UGT2B7: variants seen among roughly 807,000 people sequenced by gnomAD.
UGT2B7 encodes the protein UDP-glucuronosyltransferase 2B7.
A neutral mutation model predicts 51.9 loss-of-function variants in UGT2B7; 51 were observed. That is an observed-to-expected ratio of 0.98 (90% CI 0.78 to 1.24). The LOEUF is 1.24. Among genes scored for constraint, UGT2B7 ranks in the 50% most tolerant of loss-of-function variants. UGT2B7 has a pLI of 0.00. For missense variants in UGT2B7, 727 were observed against 628.4 expected (o/e 1.16, Z -1.68); for synonymous variants, 225 against 211.6 (o/e 1.06, Z -0.55).
chr4:69,062,765 C>T (rs1718377298), intron 1 of UGT2B7, among the ~76,000 whole-genome samples: 1 of 152,198 alleles, frequency 6.6e-6, no homozygotes, highest in Non-Finnish European at 1.5e-5. Flanking sequence ...GCTCTAGTCA[C>T]ACCAAGAACT....
chr4:69,055,487 T>A (rs953074432), intron 1 of UGT2B7, among the ~76,000 whole-genome samples: 6 of 151,980 alleles, frequency 3.9e-5, no homozygotes, highest in African/African-American at 1.2e-4. Context: ...AAAGACTAGA[T>A]CCTAGTGTAA....
chr4:69,100,819 C>A (rs1018483667), intron 2 of UGT2B7, among the ~76,000 whole-genome samples: 7 of 152,148 alleles, frequency 4.6e-5, no homozygotes, highest in Non-Finnish European at 7.4e-5. Flanking sequence ...ATTGCTAACC[C>A]AGGTTGCTTT....
upstream of UGT2B7, among the ~76,000 whole-genome samples, chr4:69,094,557 G>T (rs982005250): frequency 2.6e-5 from 4 of 152,116 alleles, no homozygotes; most frequent in Non-Finnish European, 2.9e-5. Context: ...ACACTTAATT[G>T]CTAAAAAGTG....
At chr4:69,072,046 A>G (rs1560501735) in intron 1 of UGT2B7, among the ~76,000 whole-genome samples, 2 of 152,122 alleles carry the variant, frequency 1.3e-5, no homozygotes, top group Admixed American at 1.3e-4. Context: ...GAGCTATCAA[A>G]GAATACTTTC....
At chr4:69,078,656 G>A (rs545343762) in intron 1 of UGT2B7, among the ~76,000 whole-genome samples, 27 of 152,074 alleles carry the variant, frequency 1.8e-4, no homozygotes, top group Non-Finnish European at 3.8e-4. Flanking sequence ...CCTCAGGTAG[G>A]AGCCATAGTT....
At chr4:69,106,142 T>C (rs1237665012) in intron 3 of UGT2B7, among the ~76,000 whole-genome samples, 1 of 152,168 alleles carries the variant, frequency 6.6e-6, no homozygotes, top group African/African-American at 2.4e-5. Flanking sequence ...AGGGGACATG[T>C]GTAGTTTTTT....
chr4:69,063,074 C>T (rs1017138106), intron 1 of UGT2B7, among the ~76,000 whole-genome samples: 3 of 148,314 alleles, frequency 2.0e-5, no homozygotes, highest in African/African-American at 4.9e-5. Flanking sequence ...AATCCCAGCA[C>T]TTTGGGAGGC....
At chr4:69,084,305 C>A (rs1386168336) in intron 1 of UGT2B7, among the ~76,000 whole-genome samples, 5 of 92,792 alleles carry the variant, frequency 5.4e-5, no homozygotes, top group Admixed American at 5.0e-4. Flanking sequence ...CGTCTATGTT[C>A]ATCAGGATTA....
upstream of UGT2B7, among the ~76,000 whole-genome samples, chr4:69,095,785 ACGCTATATC>A (rs1371814371): frequency 6.6e-6 from 1 of 152,232 alleles, no homozygotes; most frequent in Admixed American, 6.5e-5. Context: ...CAACATGTAT[ACGCTATATC>A]ATAAATGAAC....
chr4:69,093,361 G>A (rs560093117), upstream of UGT2B7, among the ~76,000 whole-genome samples: 5 of 152,298 alleles, frequency 3.3e-5, no homozygotes, highest in South Asian at 2.1e-4. Flanking sequence ...CCCACCCCAC[G>A]CGGCTGAGAG....
chr4:69,097,171 G>A lies in UGT2B7; in HGVS notation c.651G>A (p.Val217=), dbSNP rs1577921469. The A allele has an allele frequency of 6.2e-7, 1 of 1,612,978 alleles. No homozygotes were observed. The highest frequency in any genetic ancestry group is 8.5e-7 in the Non-Finnish European group (1 of 1,179,488). Residue 217 remains valine, a synonymous_variant, in exon 1 of 6, where the codon GTG becomes GTA. Coordinates refer to ENST00000305231, the MANE Select transcript of UGT2B7 (RefSeq NM_001074.4). Reference sequence around the variant, plus strand: ...AGAGGGTAAAAAATATGATCTATGTGCTTTACTTTGACTTTTGGTTCGAAA... The same window carrying A: ...AGAGGGTAAAAAATATGATCTATGTACTTTACTTTGACTTTTGGTTCGAAA... ...FMERVKNMIY[V]LYFDFWFEIF...
chr4:69,098,348 T>C (rs1719307576), intron 1 of UGT2B7, among the ~76,000 whole-genome samples, 192 bp from the exon 2 acceptor site: 1 of 152,072 alleles, frequency 6.6e-6, no homozygotes, highest in Non-Finnish European at 1.5e-5. Context: ...ACTTTGTCTT[T>C]CTTATAAATA....
intron 1 of UGT2B7, among the ~76,000 whole-genome samples, chr4:69,064,087 A>AGAAAGAAAGAAAGAAG (rs1718427820): frequency 1.9e-5 from 2 of 104,892 alleles, no homozygotes; most frequent in Non-Finnish European, 1.8e-5. Context: ...AAAGAAAGAA[A>AGAAAGAAAGAAAGAAG]GAAAGAAAGA....
At chr4:69,074,648 T>A (rs1718666010) in intron 1 of UGT2B7, among the ~76,000 whole-genome samples, 1 of 152,000 alleles carries the variant, frequency 6.6e-6, no homozygotes, top group African/African-American at 2.4e-5. Context: ...TCTGCTGTAG[T>A]CTAGGGAGAT....
chr4:69,112,067 A>T (rs1719787999), intron 5 of UGT2B7, among the ~76,000 whole-genome samples: 1 of 152,218 alleles, frequency 6.6e-6, no homozygotes, highest in African/African-American at 2.4e-5. Context: ...ATCCACAAGC[A>T]GACAGCCCAG....
At position 69,096,864 on chromosome 4, in the gene UGT2B7, T is replaced by C. The variant is rs1252847580; in HGVS notation, c.344T>C (p.Ile115Thr). The change falls in exon 1 of 6, where the codon ATC becomes ACC. Residue 115 changes from isoleucine (I) to threonine (T), a missense_variant. By Grantham distance (89) the Ile-to-Thr change is moderately conservative. Coordinates refer to ENST00000305231, the MANE Select transcript of UGT2B7 (RefSeq NM_001074.4). ...TTATATTTTTCACAAGTACAGGAAA[T>C]CATGTCAATATTTGGTGACATAACT... is the stretch of plus-strand genomic sequence containing the variant. ...FWLYFSQVQE[I>T]MSIFGDITRK... The C allele has an allele frequency of 6.2e-7, 1 of 1,613,478 alleles. No homozygotes were observed. Among genetic ancestry groups the C allele is most frequent in the African/African-American group, 1.3e-5 (1 of 74,868 alleles).
In UGT2B7 at chr4:69,096,633, A is replaced by G; in HGVS notation, c.113A>G (p.Asn38Ser). The change falls in exon 1 of 6, where the codon AAT (asparagine) becomes AGT (serine). Residue 38 changes from asparagine (N) to serine (S), a missense_variant. Coordinates refer to ENST00000305231, the MANE Select transcript of UGT2B7 (RefSeq NM_001074.4). The stretch of plus-strand genomic sequence containing the variant: ...GCAGCAGAATACAGCCATTGGATGA[A>G]TATAAAGACAATCCTGGATGAGCTT... The part of the protein sequence containing the change: ...VWAAEYSHWM[N>S]IKTILDELIQ... 1 of 1,614,052 alleles carries G rather than the reference A, an allele frequency of 6.2e-7. No individual in the cohort carries two copies. The highest frequency in any genetic ancestry group is 8.5e-7 in the Non-Finnish European group (1 of 1,179,922).
intron 1 of UGT2B7, among the ~76,000 whole-genome samples, chr4:69,076,077 G>A (rs893457624): frequency 6.6e-6 from 1 of 152,074 alleles, no homozygotes; most frequent in African/African-American, 2.4e-5. Flanking sequence ...ATGGTTTCCA[G>A]CTTCATCCAT....
intron 5 of UGT2B7, among the ~76,000 whole-genome samples, 164 bp downstream of exon 5, chr4:69,108,486 G>C (rs1225461211): frequency 1.3e-5 from 2 of 151,820 alleles, no homozygotes; most frequent in East Asian, 3.9e-4. Flanking sequence ...TTTAAAAATT[G>C]AATTTGAAAC....
Sources: gnomAD v4.1 joint callset for allele counts (sites outside exome capture counted in the v4.1 genomes callset) on GRCh38, gnomAD v4.1.1 for gene constraint, MANE v1.5 for transcripts, NCBI Gene and HGNC (gene_info 2026-07-23, HGNC 2026-07-21) for gene names.